The following SLC5A10 variants were observed in gnomAD, a reference collection of about 807,000 sequenced individuals.
SLC5A10 encodes solute carrier family 5 member 10.
SLC5A10 carries 55 observed loss-of-function variants against 68.9 expected under a neutral mutation model. The observed-to-expected ratio is 0.80, with a 90% CI of 0.64 to 1.00. SLC5A10 has a LOEUF of 1.00. Ranked by LOEUF, SLC5A10 falls within the 50% of genes least tolerant of loss-of-function variation. SLC5A10 has a pLI of 0.00. For synonymous variants in SLC5A10, 344 were observed against 344.8 expected (o/e 1.00, Z 0.02); for missense variants, 732 against 819.3 (o/e 0.89, Z 1.30).
intron 10 of SLC5A10, among the ~76,000 whole-genome samples, chr17:19,014,710 G>A (rs2044094433): frequency 6.6e-6 from 1 of 152,170 alleles, no homozygotes; most frequent in South Asian, 2.1e-4. Flanking sequence ...CGAAGGCATG[G>A]GTGTGAAAGT....
chr17:18,972,409 C>T (rs2042877685), intron 8 of SLC5A10, among the ~76,000 whole-genome samples: 1 of 152,180 alleles, frequency 6.6e-6, no homozygotes, highest in Non-Finnish European at 1.5e-5. Context: ...TAGGCCCGAC[C>T]AGCTCCATTC....
chr17:18,955,266 G>A (rs1007931853), intron 1 of SLC5A10, among the ~76,000 whole-genome samples: 1 of 152,010 alleles, frequency 6.6e-6, no homozygotes, highest in Non-Finnish European at 1.5e-5. Context: ...AGCTCCCCTC[G>A]TGTCCTGATG....
At chr17:18,950,777 G>T, upstream of SLC5A10, 1 of 789,136 alleles carries the variant, frequency 1.3e-6, no homozygotes, top group Non-Finnish European at 1.5e-6. Context: ...CTGCAATGGC[G>T]CAGTCTTGGC....
At chr17:18,977,118 G>A in intron 9 of SLC5A10, 129 bp downstream of exon 9, 3 of 1,331,620 alleles carry the variant, frequency 2.3e-6, no homozygotes, top group Non-Finnish European at 3.1e-6. Context: ...GGGGAGTGGG[G>A]AGAGTGGTCC....
intron 9 of SLC5A10, among the ~76,000 whole-genome samples, chr17:18,982,151 C>T (rs547034380): frequency 1.2e-4 from 19 of 152,368 alleles, no homozygotes; most frequent in Admixed American, 1.2e-3. Context: ...TCGGCTGGGC[C>T]GCTGACTCGC....
intron 9 of SLC5A10, chr17:18,977,450 T>A (rs970005582): frequency 1.1e-6 from 1 of 910,268 alleles, no homozygotes; most frequent in African/African-American, 1.7e-5. Context: ...GTTCATCAAG[T>A]TTCCCCATCT....
At chr17:19,020,273 G>A in intron 14 of SLC5A10, 52 bp from the exon 15 acceptor site, 1 of 1,613,562 alleles carries the variant, frequency 6.2e-7, no homozygotes, top group South Asian at 1.1e-5. Flanking sequence ...AAGGGCACCA[G>A]GTGTAACCTT....
chr17:18,970,995 C>G lies in SLC5A10; in HGVS notation c.641-18C>G, dbSNP rs2042827214. ...CCGCAACCACCAAACTGTCCCTGTT[C>G]CACCCTGACCCCTCCAGCTTTTGAC... On this transcript the variant is annotated intron_variant, in intron 7 of 14. Coordinates refer to ENST00000395645, the MANE Select transcript of SLC5A10 (RefSeq NM_001042450.4). The G allele has an allele frequency of 6.2e-7, 1 of 1,613,216 alleles. No homozygotes were observed. Among genetic ancestry groups the G allele is most frequent in the South Asian group, 1.1e-5 (1 of 91,070 alleles).
chr17:18,979,682 G>T, intron 9 of SLC5A10: 1 of 1,612,866 alleles, frequency 6.2e-7, no homozygotes, highest in African/African-American at 1.3e-5. Flanking sequence ...TTCTGTTTTG[G>T]GAACCAAGAG....
intron 9 of SLC5A10, among the ~76,000 whole-genome samples, chr17:18,991,341 C>T (rs2043419020): frequency 6.6e-6 from 1 of 152,244 alleles, no homozygotes; most frequent in African/African-American, 2.4e-5. Flanking sequence ...GGGCCCTTGG[C>T]TTCCCCATCT....
Position 18,969,062 on chromosome 17 carries a change from A to C in SLC5A10, c.464A>C (p.Tyr155Ser). The change falls in exon 6 of 15, where the codon TAC becomes TCC. Residue 155 changes from tyrosine to serine, a missense_variant. Transcript: ENST00000395645. ...SVFTKISLDLYAGALFVHICL... is the reference protein window; with the variant it reads ...SVFTKISLDLSAGALFVHICL... The stretch of plus-strand genomic sequence containing the variant: ...TCTCTCCCTCCGCAGCTGGACCTGT[A>C]CGCGGGGGCTCTGTTTGTGCACATC... 3 of 1,613,722 alleles carry C rather than the reference A, an allele frequency of 1.9e-6. No homozygotes were observed. The highest frequency in any genetic ancestry group is 2.5e-6 in the Non-Finnish European group (3 of 1,179,840).
chr17:18,969,237 G>A, intron 6 of SLC5A10, 80 bp downstream of exon 6: 1 of 1,579,828 alleles, frequency 6.3e-7, no homozygotes, highest in Non-Finnish European at 8.6e-7. Flanking sequence ...CAGGCCCGAG[G>A]GAGCAGCCCA....
rs768324935 is a variant in SLC5A10, at chr17:18,971,323, G to T, written c.846+105G>T. 1 of 1,606,794 alleles carries T rather than the reference G, an allele frequency of 6.2e-7. No homozygotes were observed. Among genetic ancestry groups the T allele is most frequent in the Non-Finnish European group, 8.5e-7 (1 of 1,175,370 alleles). On this transcript the variant is annotated intron_variant, in intron 8 of 14. Transcript: ENST00000395645. The surrounding 1 kb of genome is among the most constrained non-coding windows in gnomAD (Gnocchi z 5.5). ...CTCCGCGTCATGAGTCTGGGCTGGG[G>T]CCTCAGAAGGTGTGGCTCCAGGCTG...
Position 18,969,355 on chromosome 17 carries a change from T to C in SLC5A10, c.573T>C (p.Ala191=). The change falls in exon 7 of 15, where the codon GCT becomes GCC. Residue 191 remains alanine (A), a synonymous_variant. Coordinates refer to ENST00000395645, the MANE Select transcript of SLC5A10 (RefSeq NM_001042450.4). ...ALYTIAGGLA[A]VIYTDALQTL... ...TTCCACTGGCAGGGGGCCTGGCTGCTGTAATCTACACGGACGCCCTGCAGA... is the reference window on the plus strand; with the variant it reads ...TTCCACTGGCAGGGGGCCTGGCTGCCGTAATCTACACGGACGCCCTGCAGA... The C allele has an allele frequency of 6.2e-7, 1 of 1,613,448 alleles. No individual in the cohort carries two copies. The highest frequency in any genetic ancestry group is 8.5e-7 in the Non-Finnish European group (1 of 1,179,974).
At chr17:18,958,496 T>A (rs1295181920) in intron 1 of SLC5A10, among the ~76,000 whole-genome samples, 186 bp from the exon 2 acceptor site, 1 of 152,246 alleles carries the variant, frequency 6.6e-6, no homozygotes, top group Non-Finnish European at 1.5e-5. Context: ...CTATGAACAT[T>A]CGTGTACAAG....
At chr17:18,994,134 C>T (rs1054638925) in intron 9 of SLC5A10, among the ~76,000 whole-genome samples, 1 of 152,224 alleles carries the variant, frequency 6.6e-6, no homozygotes, top group Non-Finnish European at 1.5e-5. Context: ...GCCATCATGA[C>T]CTTGGATTCA....
intron 9 of SLC5A10, among the ~76,000 whole-genome samples, chr17:18,985,540 C>T (rs747371204): frequency 2.0e-5 from 3 of 152,058 alleles, no homozygotes; most frequent in African/African-American, 4.8e-5. Context: ...GAAGTGCTCC[C>T]GGGACAGGTC....
chr17:18,993,657 G>C (rs971750298), intron 9 of SLC5A10, among the ~76,000 whole-genome samples: 1 of 152,212 alleles, frequency 6.6e-6, no homozygotes, highest in Non-Finnish European at 1.5e-5. Context: ...CAAGTCCCTA[G>C]GCCTCTCTGG....
intron 11 of SLC5A10, among the ~76,000 whole-genome samples, chr17:19,015,862 T>A (rs1008445014): frequency 1.3e-5 from 2 of 152,166 alleles, no homozygotes; most frequent in Non-Finnish European, 2.9e-5. Context: ...TCTGGGCGCT[T>A]CATGAGGACC....
Sources: allele counts gnomAD v4.1 joint callset (sites outside exome capture counted in the v4.1 genomes callset), GRCh38; gene constraint gnomAD v4.1.1; non-coding constraint Gnocchi (gnomAD v3.1); transcripts MANE v1.5; gene names NCBI Gene and HGNC (gene_info 2026-07-23, HGNC 2026-07-21).